The following POPDC2 variants were observed in gnomAD, a reference collection of about 807,000 sequenced individuals.
The protein encoded by POPDC2 is popeye domain-containing protein 2.
In POPDC2, 24 loss-of-function variants were observed where a neutral mutation model predicts 30.5. That is an observed-to-expected ratio of 0.79 (90% CI 0.57 to 1.11). The LOEUF (loss-of-function observed/expected upper bound fraction) is 1.11, where lower values mean the gene tolerates loss of function less well. Among genes scored for constraint, POPDC2 ranks in the 50% least tolerant of loss-of-function variants. POPDC2 has a pLI of 0.00. For missense variants in POPDC2, 409 were observed against 447.0 expected, an observed-to-expected ratio of 0.91 and a Z score of 0.77; for synonymous variants, 185 against 183.3, an observed-to-expected ratio of 1.01 and a Z score of -0.07.
chr3:119,660,667 T>TCCTCCCCCTCACA, upstream of POPDC2: 1 of 225,414 alleles, frequency 4.4e-6, no homozygotes, highest in Non-Finnish European at 7.8e-6. Flanking sequence ...CCCCCCTCTC[T>TCCTCCCCCTCACA]CCTCCCCACC....
chr3:119,659,898 G>C, intron 1 of POPDC2, 35 bp downstream of exon 1: 1 of 1,538,510 alleles, frequency 6.5e-7, no homozygotes, highest in South Asian at 1.3e-5. Flanking sequence ...GTGGGCTGGG[G>C]AAAGAAATTC....
At chr3:119,652,124 G>A (rs1359084218) in intron 2 of POPDC2, among the ~76,000 whole-genome samples, 3 of 152,010 alleles carry the variant, frequency 2.0e-5, no homozygotes, top group Admixed American at 6.5e-5. Context: ...ATGTAAATAG[G>A]ACTTAGGTCC....
intron 2 of POPDC2, among the ~76,000 whole-genome samples, chr3:119,651,093 G>A (rs930107424): frequency 6.6e-6 from 1 of 151,858 alleles, no homozygotes; most frequent in Non-Finnish European, 1.5e-5. Flanking sequence ...TTGCTACCTC[G>A]TCACCTCTCC....
chr3:119,660,012 A>C lies in POPDC2; in HGVS notation c.412T>G (p.Leu138Val). The part of the protein sequence containing the change: ...EIVHCCEEQV[L>V]TLATEQTYAV... ...TAGGTCTGTTCAGTGGCCAGAGTTA[A>C]GACCTGCTCCTCGCAGCAGTGAACA... is the stretch of plus-strand genomic sequence containing the variant. The change falls in exon 1 of 4, where the codon TTA becomes GTA. Residue 138 changes from leucine to valine, a missense_variant. Physicochemically the swap from Leu to Val is conservative, Grantham distance 32. Transcript: ENST00000493094. The C allele has an allele frequency of 3.7e-6, 6 of 1,614,224 alleles. No homozygotes were observed. Among genetic ancestry groups the C allele is most frequent in the Non-Finnish European group, 4.2e-6 (5 of 1,180,006 alleles).
chr3:119,659,894 T>C lies in POPDC2; in HGVS notation c.491+39A>G. The C allele has an allele frequency of 1.3e-6, 2 of 1,536,390 alleles. 1 individual carries two copies. Among genetic ancestry groups the C allele is most frequent in the South Asian group, 2.5e-5 (2 of 79,616 alleles). On this transcript the variant is annotated intron_variant, in intron 1 of 3. Transcript: ENST00000493094. The stretch of plus-strand genomic sequence containing the variant: ...ACACTAGGAAATGAGAAGTGTGGGC[T>C]GGGGAAAGAAATTCTGGGCAATGGA...
chr3:119,648,619 T>C lies in POPDC2; in HGVS notation c.650A>G (p.Lys217Arg). Residue 217 changes from lysine (K) to arginine (R), a missense_variant, in exon 3 of 4, where the codon AAA (lysine) becomes AGA (arginine). Transcript: ENST00000493094. Reference sequence around the variant, plus strand: ...TTTGGTCAGAAGAAGATGGAGACTTTTCCGGGGCCAGGAAATGTAGCTACA... The same window carrying C: ...TTTGGTCAGAAGAAGATGGAGACTTCTCCGGGGCCAGGAAATGTAGCTACA... ...TSCSYISWPRKSLHLLLTKER... is the reference protein window; with the variant it reads ...TSCSYISWPRRSLHLLLTKER... 1 of 1,614,112 alleles carries C rather than the reference T, an allele frequency of 6.2e-7. No individual in the cohort carries two copies. Among genetic ancestry groups the C allele is most frequent in the Non-Finnish European group, 8.5e-7 (1 of 1,180,016 alleles).
intron 3 of POPDC2, chr3:119,643,394 T>C (rs1269807516): frequency 6.5e-7 from 1 of 1,535,822 alleles, no homozygotes; most frequent in East Asian, 2.4e-5. Flanking sequence ...TTCTGCCAGC[T>C]GCCACCTTCC....
intron 3 of POPDC2, 106 bp downstream of exon 3, chr3:119,648,013 G>C: frequency 3.2e-6 from 3 of 929,916 alleles, no homozygotes; most frequent in Non-Finnish European, 4.6e-6. Context: ...CTTTCTGTGA[G>C]TCCTCTAAGA....
chr3:119,642,783 T>G (rs896023684), intron 3 of POPDC2, among the ~76,000 whole-genome samples: 1 of 152,236 alleles, frequency 6.6e-6, no homozygotes, highest in Non-Finnish European at 1.5e-5. Context: ...CCTCTCCTAT[T>G]GTAGAGACCA....
At chr3:119,642,616 T>A in intron 3 of POPDC2, 55 bp from the exon 4 acceptor site, 2 of 1,242,580 alleles carry the variant, frequency 1.6e-6, no homozygotes, top group Non-Finnish European at 2.4e-6. Context: ...ACAGTTTGTC[T>A]AACTTCAAAG....
chr3:119,652,783 G>A (rs2052827399), intron 2 of POPDC2, among the ~76,000 whole-genome samples: 1 of 152,212 alleles, frequency 6.6e-6, no homozygotes, highest in South Asian at 2.1e-4. Context: ...GTGGATCTGT[G>A]GCTGGTGACC....
At chr3:119,644,458 G>C (rs2052723581) in intron 3 of POPDC2, among the ~76,000 whole-genome samples, 1 of 152,194 alleles carries the variant, frequency 6.6e-6, no homozygotes, top group Admixed American at 6.5e-5. Flanking sequence ...TTTGGGGTCT[G>C]GCTGGAAGAC....
At chr3:119,656,537 G>A (rs1462384988) in intron 1 of POPDC2, among the ~76,000 whole-genome samples, 2 of 152,146 alleles carry the variant, frequency 1.3e-5, no homozygotes, top group Non-Finnish European at 2.9e-5. Context: ...CCCCTGCAGG[G>A]TAAAAAGACT....
At chr3:119,648,716 G>A (rs1235271975) in intron 2 of POPDC2, 48 bp from the exon 3 acceptor site, 1 of 1,508,996 alleles carries the variant, frequency 6.6e-7, no homozygotes. Context: ...TAGAAAATTT[G>A]TCCATGCTGA....
intron 3 of POPDC2, among the ~76,000 whole-genome samples, chr3:119,644,234 G>C (rs1255079225): frequency 6.6e-6 from 1 of 152,170 alleles, no homozygotes; most frequent in Non-Finnish European, 1.5e-5. Flanking sequence ...AGAACAATGT[G>C]AAACAAAATA....
At chr3:119,659,862 A>G (rs1266681217) in intron 1 of POPDC2, 71 bp downstream of exon 1, 55 of 1,486,706 alleles carry the variant, frequency 3.7e-5, no homozygotes, top group Non-Finnish European at 4.8e-5. Flanking sequence ...ATGAAATGGA[A>G]AGGGACACAC....
At position 119,648,278 on chromosome 3, in the gene POPDC2, G is replaced by T; in HGVS notation, c.991C>A (p.Pro331Thr). 6.2e-7 allele frequency: 1 copy of T among 1,613,968 alleles called. No individual in the cohort carries two copies. Among genetic ancestry groups the T allele is most frequent in the Non-Finnish European group, 8.5e-7 (1 of 1,179,970 alleles). Reference sequence around the variant, plus strand: ...TCCTCACCCAGTATGCCACTGTCTGGCCTGGACAACCTGGCCCGGGTAGGA... The same window carrying T: ...TCCTCACCCAGTATGCCACTGTCTGTCCTGGACAACCTGGCCCGGGTAGGA... ...APPTRARLSRPDSGILGEDST... is the reference protein window; with the variant it reads ...APPTRARLSRTDSGILGEDST... Residue 331 changes from proline (P) to threonine (T), a missense_variant, in exon 3 of 4, where the codon CCA becomes ACA. Transcript: ENST00000493094.
At chr3:119,650,303 C>A (rs1577169302) in intron 2 of POPDC2, among the ~76,000 whole-genome samples, 1 of 152,136 alleles carries the variant, frequency 6.6e-6, no homozygotes, top group Non-Finnish European at 1.5e-5. Context: ...AATTCACTTC[C>A]CTGGCTAGCT....
intron 2 of POPDC2, among the ~76,000 whole-genome samples, chr3:119,650,925 C>T (rs2052800483): frequency 6.6e-6 from 1 of 152,246 alleles, no homozygotes; most frequent in Non-Finnish European, 1.5e-5. Flanking sequence ...CTGCAGCTTT[C>T]TTTGTCTCAG....
Sources: gnomAD v4.1 joint callset for allele counts (sites outside exome capture counted in the v4.1 genomes callset) on GRCh38, gnomAD v4.1.1 for gene constraint, MANE v1.5 for transcripts, NCBI Gene and HGNC (gene_info 2026-07-23, HGNC 2026-07-21) for gene names.